The following SPA17 variants were observed in gnomAD, a reference collection of about 807,000 sequenced individuals.
SPA17 encodes sperm autoantigenic protein 17.
Under a neutral mutation model 13.8 loss-of-function variants are expected in SPA17, and 7 were observed. The ratio of observed to expected loss-of-function variants is 0.51; its 90% CI spans 0.29 to 0.95. SPA17 has a LOEUF of 0.95. Among genes scored for constraint, SPA17 ranks in the 40% least tolerant of loss-of-function variants. The pLI is 0.08. For synonymous variants in SPA17, 61 were observed against 59.0 expected (o/e 1.03, Z -0.16); for missense variants, 170 against 179.3 (o/e 0.95, Z 0.30).
intron 2 of SPA17, among the ~76,000 whole-genome samples, chr11:124,680,024 G>A (rs1943512654): frequency 6.6e-6 from 1 of 152,128 alleles, no homozygotes; most frequent in Non-Finnish European, 1.5e-5. Context: ...GGAAAGGAAA[G>A]AACTAAACCT....
chr11:124,688,005 A>G (rs945857390), intron 3 of SPA17, among the ~76,000 whole-genome samples: 5 of 152,126 alleles, frequency 3.3e-5, no homozygotes, highest in Non-Finnish European at 7.4e-5. Flanking sequence ...ATCTCTGTTC[A>G]CTGATATATA....
Position 124,694,565 on chromosome 11 carries a change from G to A in SPA17, c.*119G>A, listed in dbSNP as rs1943655574. On this transcript the variant is annotated 3_prime_UTR_variant, in exon 5 of 5. Coordinates refer to ENST00000227135, the MANE Select transcript of SPA17 (RefSeq NM_017425.4). ...ATGTTGTGAAATAACATTCGTTACT[G>A]TTGTGAAAATCTGTCATGAGCATTT... 2 of 1,344,480 alleles carry A rather than the reference G, an allele frequency of 1.5e-6. No homozygotes were observed. The highest frequency in any genetic ancestry group is 2.0e-6 in the Non-Finnish European group (2 of 986,416). The allele number at this position is 1,344,480 out of a possible 1,614,324, so 83.3% of individuals were successfully genotyped here.
chr11:124,680,257 A>ACAG (rs1943514859), intron 2 of SPA17, among the ~76,000 whole-genome samples: 3 of 152,226 alleles, frequency 2.0e-5, no homozygotes, highest in Non-Finnish European at 4.4e-5. Flanking sequence ...ACAGAATTAC[A>ACAG]CAGCACTACC....
At chr11:124,691,922 ATAAAC>A (rs2134419224) in intron 4 of SPA17, 140 bp downstream of exon 4, 1 of 491,580 alleles carries the variant, frequency 2.0e-6, no homozygotes, top group East Asian at 3.4e-5. Context: ...AACATCAGTG[ATAAAC>A]TAACTGGTAG....
intron 3 of SPA17, among the ~76,000 whole-genome samples, chr11:124,688,475 G>T (rs190489303): frequency 8.5e-5 from 13 of 152,202 alleles, no homozygotes; most frequent in Admixed American, 5.9e-4. Context: ...AATCAAGAAG[G>T]CAATCCCATT....
chr11:124,686,091 G>A (rs1378523504), intron 3 of SPA17, among the ~76,000 whole-genome samples: 1 of 149,964 alleles, frequency 6.7e-6, no homozygotes, highest in East Asian at 2.0e-4. Context: ...CAAATGATAT[G>A]CTTTGGCTGT....
At chr11:124,687,688 G>A (rs1943589510) in intron 3 of SPA17, among the ~76,000 whole-genome samples, 1 of 151,992 alleles carries the variant, frequency 6.6e-6, no homozygotes, top group Non-Finnish European at 1.5e-5. Flanking sequence ...TCAACAAAAT[G>A]AAAGACAAAA....
chr11:124,691,457 A>G (rs1467970784), intron 3 of SPA17, among the ~76,000 whole-genome samples: 1 of 152,238 alleles, frequency 6.6e-6, no homozygotes, highest in Non-Finnish European at 1.5e-5. Context: ...AAAGCAACAG[A>G]TCAAACATTT....
chr11:124,684,387 G>A (rs543685375), intron 3 of SPA17, among the ~76,000 whole-genome samples: 16 of 152,014 alleles, frequency 1.1e-4, no homozygotes, highest in South Asian at 4.2e-4. Flanking sequence ...TCAGCCTCCC[G>A]AGTAGCTGGA....
chr11:124,678,516 C>CTGTGTGTGTGTG (rs60663679), intron 2 of SPA17, among the ~76,000 whole-genome samples: 3,057 of 143,208 alleles, frequency 0.021, 61 homozygotes, highest in African/African-American at 0.072. Context: ...GAATACATAA[C>CTGTGTGTGTGTG]TGTGTGTGTG....
At position 124,675,293 on chromosome 11, in the gene SPA17, A is replaced by G; in HGVS notation, c.29A>G (p.Tyr10Cys). 6.2e-7 allele frequency: 1 copy of G among 1,614,076 alleles called. No homozygotes were observed. The highest frequency in any genetic ancestry group is 8.5e-7 in the Non-Finnish European group (1 of 1,180,008). The stretch of plus-strand genomic sequence containing the variant: ...TCGATTCCATTCTCCAACACCCACT[A>G]CCGAATTCCACAAGGATTTGGGAAT... MSIPFSNTH[Y>C]RIPQGFGNLL... Residue 10 changes from tyrosine (Y) to cysteine (C), a missense_variant, in exon 2 of 5, where the codon TAC becomes TGC. Physicochemically the swap from Tyr to Cys is radical, Grantham distance 194. Coordinates refer to ENST00000227135, the MANE Select transcript of SPA17 (RefSeq NM_017425.4).
chr11:124,674,234 C>G (rs1943426547), intron 1 of SPA17: 1 of 152,612 alleles, frequency 6.6e-6, no homozygotes, highest in Non-Finnish European at 1.5e-5. Flanking sequence ...CTACTGCTCC[C>G]TCAGAAAAAG....
chr11:124,681,457 G>T lies in SPA17; in HGVS notation c.223G>T (p.Glu75Ter). The stretch of plus-strand genomic sequence containing the variant: ...CCGCTTCTATAACAATCATGCATTC[G>T]AGGTATGGTCCTTTGAAGCTGTTGG... Reference protein sequence around the residue: ...EDRFYNNHAFEEQEPPEKSDP... With the variant: ...EDRFYNNHAF The change falls in exon 3 of 5, where the codon GAG becomes TAG. Residue 75 changes from glutamate (E) to a stop codon, truncating the protein, a stop_gained and splice_region_variant. Transcript: ENST00000227135. LOFTEE classifies it high-confidence loss of function. The T allele has an allele frequency of 6.3e-7, 1 of 1,579,868 alleles. No individual in the cohort carries two copies. The highest frequency in any genetic ancestry group is 8.6e-7 in the Non-Finnish European group (1 of 1,160,158).
intron 3 of SPA17, among the ~76,000 whole-genome samples, chr11:124,683,866 G>T (rs1943549656): frequency 6.6e-6 from 1 of 152,154 alleles, no homozygotes; most frequent in Non-Finnish European, 1.5e-5. Flanking sequence ...GAGGTAGACT[G>T]CAATACAATA....
chr11:124,693,611 T>A lies in SPA17; in HGVS notation c.313-692T>A, dbSNP rs571078590. Among the ~76,000 whole-genome samples, 9 of 152,276 alleles carry A rather than the reference T, an allele frequency of 5.9e-5. No individual in the cohort carries two copies. The East Asian group carries it at 1.5e-3, about 26-fold the overall frequency. On this transcript the variant is annotated intron_variant, in intron 4 of 4. Coordinates refer to ENST00000227135, the MANE Select transcript of SPA17 (RefSeq NM_017425.4). ...GGATTTGGATAGGTGGAGAAAACTA[T>A]CACTGCCAGTGACATTTGAGTTTTT...
At chr11:124,675,058 A>G (rs903166758) in intron 1 of SPA17, 180 bp from the exon 2 acceptor site, 17 of 537,306 alleles carry the variant, frequency 3.2e-5, no homozygotes, top group Non-Finnish European at 2.2e-5. Context: ...TTTGTATTAT[A>G]CTAATTCACA....
chr11:124,691,552 C>T, intron 3 of SPA17, 144 bp from the exon 4 acceptor site: 3 of 433,230 alleles, frequency 6.9e-6, no homozygotes, highest in South Asian at 7.5e-5. Flanking sequence ...ATGTATTTTC[C>T]TTATTAAAAG....
At chr11:124,694,257 T>TA (rs1446659109) in intron 4 of SPA17, 46 bp from the exon 5 acceptor site, 22 of 1,585,774 alleles carry the variant, frequency 1.4e-5, no homozygotes, top group Non-Finnish European at 1.9e-5. Flanking sequence ...GCATCAAAAC[T>TA]ACGCCATATT....
chr11:124,674,188 T>G (rs1218948045), intron 1 of SPA17: 1 of 163,966 alleles, frequency 6.1e-6, no homozygotes, highest in Non-Finnish European at 1.3e-5. Flanking sequence ...TCTCGCCAGC[T>G]CTTTTCACCA....
Sources: allele counts gnomAD v4.1 joint callset (sites outside exome capture counted in the v4.1 genomes callset), GRCh38; gene constraint gnomAD v4.1.1; transcripts MANE v1.5; gene names NCBI Gene and HGNC (gene_info 2026-07-23, HGNC 2026-07-21).